The following ROBO1 variants were observed in gnomAD, a reference collection of about 807,000 sequenced individuals.
The protein encoded by ROBO1 is roundabout homolog 1.
ROBO1 carries 149 observed loss-of-function variants against 195.9 expected under a neutral mutation model. The ratio of observed to expected loss-of-function variants is 0.76; its 90% CI spans 0.67 to 0.87. The LOEUF is 0.87. Among genes scored for constraint, ROBO1 ranks in the 40% least tolerant of loss-of-function variants. The probability of loss-of-function intolerance (pLI) is 0.00; values close to 1 mark genes in which losing one functional copy is unlikely to be tolerated. For missense variants in ROBO1, 1,933 were observed against 2,068.3 expected (o/e 0.93, Z 1.27); for synonymous variants, 816 against 733.2 (o/e 1.11, Z -1.82).
chr3:79,714,049 T>TGGCTTA (rs1702380121), intron 1 of ROBO1, among the ~76,000 whole-genome samples: 1 of 152,142 alleles, frequency 6.6e-6, no homozygotes, highest in Non-Finnish European at 1.5e-5. Flanking sequence ...TTTGTTCTTT[T>TGGCTTA]GGCTTAGGAT....
chr3:78,670,200 G>C lies in ROBO1; in HGVS notation c.1444C>G (p.Pro482Ala), dbSNP rs945678134. 6.2e-7 allele frequency: 1 copy of C among 1,611,148 alleles called. No homozygotes were observed. The highest frequency in any genetic ancestry group is 8.5e-7 in the Non-Finnish European group (1 of 1,178,696). Reference sequence around the variant, plus strand: ...TTTCTCCACAGAATGGTGGGCACTGGACTGCCTGTGGCCACACAGCTGAGG... The same window carrying C: ...TTTCTCCACAGAATGGTGGGCACTGCACTGCCTGTGGCCACACAGCTGAGG... ...FVLSCVATGS[P>A]VPTILWRKDG... Residue 482 changes from proline to alanine, a missense_variant, in exon 11 of 31, where the codon CCA (proline) becomes GCA (alanine). By Grantham distance (27) the Pro-to-Ala change is conservative (BLOSUM62 -1). Coordinates refer to ENST00000464233, the MANE Select transcript of ROBO1 (RefSeq NM_002941.4).
chr3:79,635,266 C>T (rs755688021), intron 1 of ROBO1, among the ~76,000 whole-genome samples: 8 of 152,104 alleles, frequency 5.3e-5, no homozygotes, highest in Non-Finnish European at 1.0e-4. Context: ...TCAGTGCAAA[C>T]TGTGAATTCA....
At chr3:79,063,779 G>C (rs2078960062) in intron 3 of ROBO1, among the ~76,000 whole-genome samples, 1 of 151,826 alleles carries the variant, frequency 6.6e-6, no homozygotes, top group Admixed American at 6.6e-5. Flanking sequence ...AGCTTTGATG[G>C]GAGTGTTAAT....
chr3:79,446,177 T>C (rs2039248854), intron 2 of ROBO1, among the ~76,000 whole-genome samples: 1 of 152,214 alleles, frequency 6.6e-6, no homozygotes, highest in Non-Finnish European at 1.5e-5. Context: ...GCTTCTTATT[T>C]TACCATTTGT....
intron 2 of ROBO1, among the ~76,000 whole-genome samples, chr3:79,558,794 G>GA (rs1212721020): frequency 2.6e-5 from 4 of 152,030 alleles, no homozygotes; most frequent in Non-Finnish European, 2.9e-5. Flanking sequence ...AGTATGTGCA[G>GA]AAAAAAATCA....
intron 4 of ROBO1, among the ~76,000 whole-genome samples, chr3:78,932,222 A>T (rs544151911): frequency 2.6e-5 from 4 of 152,270 alleles, no homozygotes; most frequent in Non-Finnish European, 5.9e-5. Flanking sequence ...GCACCTTCTC[A>T]TTTTATTAGT....
At chr3:78,832,229 C>A (rs182918789) in intron 4 of ROBO1, among the ~76,000 whole-genome samples, 2 of 152,116 alleles carry the variant, frequency 1.3e-5, no homozygotes, top group Non-Finnish European at 1.5e-5. Context: ...GATGATAATT[C>A]AATGTTACAC....
intron 4 of ROBO1, among the ~76,000 whole-genome samples, chr3:78,910,049 A>G (rs2038154162): frequency 6.6e-6 from 1 of 151,870 alleles, no homozygotes; most frequent in African/African-American, 2.4e-5. Context: ...GACATTAAGA[A>G]GATGAATATG....
chr3:79,761,646 T>G (rs974006372), intron 1 of ROBO1, among the ~76,000 whole-genome samples: 2 of 152,236 alleles, frequency 1.3e-5, no homozygotes, highest in African/African-American at 2.4e-5. Flanking sequence ...ACTGAAATTC[T>G]GCTCTTGGCA....
At chr3:79,581,513 T>C (rs1943659990) in intron 2 of ROBO1, among the ~76,000 whole-genome samples, 1 of 152,124 alleles carries the variant, frequency 6.6e-6, no homozygotes, top group African/African-American at 2.4e-5. Flanking sequence ...TAAATAAAGC[T>C]TCACATTAGA....
At chr3:79,246,140 G>T (rs947587599) in intron 2 of ROBO1, among the ~76,000 whole-genome samples, 4 of 151,990 alleles carry the variant, frequency 2.6e-5, no homozygotes, top group African/African-American at 9.7e-5. Context: ...TTTTATTTTG[G>T]ATATATTGTC....
At chr3:79,670,879 T>C (rs201665761) in intron 1 of ROBO1, among the ~76,000 whole-genome samples, 13 of 152,012 alleles carry the variant, frequency 8.6e-5, no homozygotes, top group East Asian at 5.8e-4. Context: ...ATTTTCACTA[T>C]GTTGATTCTA....
intron 4 of ROBO1, among the ~76,000 whole-genome samples, chr3:78,916,163 T>C (rs1576394084): frequency 7.0e-6 from 1 of 142,588 alleles, no homozygotes; most frequent in East Asian, 2.2e-4. Flanking sequence ...GGCAGGAGAA[T>C]GGCGTGAACC....
chr3:79,199,776 AT>A (rs1430992909), intron 2 of ROBO1, among the ~76,000 whole-genome samples: 3 of 151,522 alleles, frequency 2.0e-5, no homozygotes, highest in Admixed American at 6.6e-5. Flanking sequence ...GTAGTACATT[AT>A]TGTCACAATC....
At chr3:79,186,873 G>A (rs542862910) in intron 2 of ROBO1, among the ~76,000 whole-genome samples, 23 of 152,062 alleles carry the variant, frequency 1.5e-4, no homozygotes, top group African/African-American at 4.6e-4. Context: ...AGATTTCCTC[G>A]GACTGACTGC....
intron 1 of ROBO1, among the ~76,000 whole-genome samples, chr3:79,667,411 A>G (rs539536308): frequency 6.6e-6 from 1 of 151,914 alleles, no homozygotes; most frequent in South Asian, 2.1e-4. Flanking sequence ...ATTGTTATAT[A>G]TTATAACTAA....
intron 1 of ROBO1, among the ~76,000 whole-genome samples, chr3:79,605,246 CT>C (rs10659867): frequency 6.1e-5 from 9 of 147,908 alleles, no homozygotes; most frequent in East Asian, 3.9e-4. Flanking sequence ...TTCCGTATTA[CT>C]TTTTTTTTTA....
chr3:79,233,141 A>G (rs2082349537), intron 2 of ROBO1, among the ~76,000 whole-genome samples: 1 of 152,120 alleles, frequency 6.6e-6, no homozygotes, highest in Admixed American at 6.6e-5. Flanking sequence ...AAAAAAAGAA[A>G]GCAAAATTAA....
intron 29 of ROBO1, among the ~76,000 whole-genome samples, chr3:78,603,677 A>G (rs1703304129): frequency 6.6e-6 from 1 of 152,196 alleles, no homozygotes; most frequent in Non-Finnish European, 1.5e-5. Flanking sequence ...AAATCAGGAT[A>G]CCTCTTTCAC....
Sources: allele counts gnomAD v4.1 joint callset (sites outside exome capture counted in the v4.1 genomes callset), GRCh38; gene constraint gnomAD v4.1.1; transcripts MANE v1.5; gene names NCBI Gene and HGNC (gene_info 2026-07-23, HGNC 2026-07-21).